The following IGSF10 variants were observed in gnomAD, a reference collection of about 807,000 sequenced individuals.
IGSF10 encodes calvaria mechanical force protein 608.
IGSF10 carries 126 observed loss-of-function variants against 128.2 expected under a neutral mutation model. The observed-to-expected ratio is 0.98, with a 90% CI of 0.85 to 1.14. IGSF10 has a LOEUF of 1.14. Ranked by LOEUF, IGSF10 falls within the 50% of genes most tolerant of loss-of-function variation. IGSF10 has a pLI of 0.00. For synonymous variants in IGSF10, 1,185 were observed against 1,146.2 expected, an observed-to-expected ratio of 1.03 and a Z score of -0.68; for missense variants, 3,295 against 3,149.8, an observed-to-expected ratio of 1.05 and a Z score of -1.10.
At chr3:151,523,079 G>T in the IGSF10 span, among the ~76,000 whole-genome samples, 2 of 152,068 alleles carry the variant, frequency 1.3e-5, no homozygotes, top group East Asian at 1.9e-4. Flanking sequence ...GCCACAAAAA[G>T]AATAACATAC....
At chr3:151,457,509 C>A (rs1721851306) in intron 3 of IGSF10, among the ~76,000 whole-genome samples, 1 of 152,148 alleles carries the variant, frequency 6.6e-6, no homozygotes, top group South Asian at 2.1e-4. Flanking sequence ...ATGACACTAT[C>A]TCCTCACCAC....
chr3:151,600,540 C>G, the IGSF10 span, among the ~76,000 whole-genome samples: 11 of 152,054 alleles, frequency 7.2e-5, 1 homozygote, highest in Admixed American at 1.3e-4. Context: ...GTGGAGTAGT[C>G]CAATGCATGG....
chr3:151,568,357 T>A, the IGSF10 span, among the ~76,000 whole-genome samples: 1 of 152,220 alleles, frequency 6.6e-6, no homozygotes, highest in Admixed American at 6.5e-5. Context: ...AATCCTTTTA[T>A]TATGACAACA....
the IGSF10 span, among the ~76,000 whole-genome samples, chr3:151,605,230 CCACAAAAT>C: frequency 1.3e-5 from 2 of 151,064 alleles, no homozygotes; most frequent in Non-Finnish European, 2.9e-5. Context: ...ATGTGAATGA[CCACAAAAT>C]CTCTGTATTG....
At chr3:151,576,260 C>A in the IGSF10 span, among the ~76,000 whole-genome samples, 1 of 151,950 alleles carries the variant, frequency 6.6e-6, no homozygotes, top group African/African-American at 2.4e-5. Flanking sequence ...TTTAGCATTA[C>A]AAAATATCCG....
At chr3:151,605,227 T>C in the IGSF10 span, among the ~76,000 whole-genome samples, 1 of 151,694 alleles carries the variant, frequency 6.6e-6, no homozygotes, top group South Asian at 2.1e-4. Flanking sequence ...TGCATGTGAA[T>C]GACCACAAAA....
At chr3:151,493,820 T>C in the IGSF10 span, among the ~76,000 whole-genome samples, 1 of 147,890 alleles carries the variant, frequency 6.8e-6, no homozygotes, top group South Asian at 2.2e-4. Context: ...AAGGTACCAA[T>C]TTTTTGTGTT....
the IGSF10 span, among the ~76,000 whole-genome samples, chr3:151,510,627 G>T: frequency 7.2e-5 from 11 of 152,340 alleles, no homozygotes; most frequent in African/African-American, 2.6e-4. Context: ...TGACTTTGAC[G>T]AGTTGAGAAA....
the IGSF10 span, among the ~76,000 whole-genome samples, chr3:151,467,765 T>A: frequency 6.6e-5 from 10 of 151,624 alleles, no homozygotes; most frequent in Admixed American, 2.0e-4. Flanking sequence ...GCACCTGTAG[T>A]CCCAGCTACT....
the IGSF10 span, among the ~76,000 whole-genome samples, chr3:151,596,354 T>G: frequency 3.3e-5 from 5 of 152,312 alleles, no homozygotes; most frequent in East Asian, 9.6e-4. Context: ...AATGTATTTT[T>G]AAATGTTTAT....
chr3:151,514,550 G>C, the IGSF10 span, among the ~76,000 whole-genome samples: 1 of 152,138 alleles, frequency 6.6e-6, no homozygotes, highest in African/African-American at 2.4e-5. Context: ...TCAGGACATA[G>C]GCATGGGGAA....
rs554475242 is a variant in IGSF10 at position 151,436,875 on chromosome 3, C to T, written c.7686G>A (p.Trp2562Ter). The T allele has an allele frequency of 6.2e-7, 1 of 1,614,146 alleles. No homozygotes were observed. Among genetic ancestry groups the T allele is most frequent in the African/African-American group, 1.3e-5 (1 of 75,044 alleles). The change falls in exon 8 of 8, where the codon TGG (tryptophan) becomes TGA (stop). Residue 2562 changes from tryptophan (W) to a stop codon, truncating the protein, a stop_gained. Transcript: ENST00000282466. LOFTEE classifies it low-confidence loss of function (END_TRUNC). ...AGAGAAGGGAGTGGTCAGGCATCTC[C>T]CATGTGATTTCTGGCTTGGGAACTC... ...ALGVPKPEIT[W>*]EMPDHSLLST...
chr3:151,617,950 T>C, the IGSF10 span, among the ~76,000 whole-genome samples: 1 of 152,182 alleles, frequency 6.6e-6, no homozygotes, highest in South Asian at 2.1e-4. Flanking sequence ...CTGCATCGAA[T>C]AAATGGTCAA....
chr3:151,582,298 G>GGGC, the IGSF10 span, among the ~76,000 whole-genome samples: 2 of 111,060 alleles, frequency 1.8e-5, no homozygotes, highest in African/African-American at 6.6e-5. Context: ...TATCCGGGGG[G>GGGC]GGGGGCGGGA....
rs374575301 is a variant in IGSF10 at position 151,448,548 on chromosome 3, T to A, written c.1433A>T (p.Asp478Val). ...VKHKWTMISR[D>V]NNTKLEHTVL... ...AGTATGTTCCAGCTTAGTATTGTTA[T>A]CCCTTGAAATCATAGTCCATTTGTG... Residue 478 changes from aspartate to valine, a missense_variant, in exon 6 of 8, where the codon GAT (aspartate) becomes GTT (valine). Transcript: ENST00000282466. 5.0e-6 allele frequency: 8 copies of A among 1,614,148 alleles called. No individual in the cohort carries two copies. The African/African-American group carries it at 9.3e-5, about 19-fold the overall frequency.
the IGSF10 span, among the ~76,000 whole-genome samples, chr3:151,511,718 A>C: frequency 6.6e-6 from 1 of 152,102 alleles, no homozygotes; most frequent in Non-Finnish European, 1.5e-5. Context: ...ATTCAGGAAA[A>C]CCATCTCACG....
At chr3:151,571,518 C>G in the IGSF10 span, among the ~76,000 whole-genome samples, 5 of 152,032 alleles carry the variant, frequency 3.3e-5, no homozygotes, top group Admixed American at 1.3e-4. Context: ...TTGGCTCTCT[C>G]TTTGTCTGTT....
chr3:151,606,173 C>T, the IGSF10 span, among the ~76,000 whole-genome samples: 1 of 152,156 alleles, frequency 6.6e-6, no homozygotes, highest in African/African-American at 2.4e-5. Context: ...TCTATGATTG[C>T]ATATTTGATT....
the IGSF10 span, among the ~76,000 whole-genome samples, chr3:151,613,603 G>A: frequency 4.1e-3 from 621 of 151,808 alleles, 5 homozygotes; most frequent in African/African-American, 0.014. Context: ...AAATGGTGCT[G>A]GGAAAACTGG....
Sources: allele counts gnomAD v4.1 joint callset (sites outside exome capture counted in the v4.1 genomes callset), GRCh38; gene constraint gnomAD v4.1.1; transcripts MANE v1.5; gene names NCBI Gene and HGNC (gene_info 2026-07-23, HGNC 2026-07-21).